Variants in PIWIL3 observed in about 807,000 individuals in gnomAD.
The protein encoded by PIWIL3 is piwi-like protein 3.
In PIWIL3, 101 loss-of-function variants were observed where a neutral mutation model predicts 109.7. The observed-to-expected ratio is 0.92, with a 90% CI of 0.78 to 1.09. The LOEUF (loss-of-function observed/expected upper bound fraction) is 1.09, where lower values mean the gene tolerates loss of function less well. Ranked by LOEUF, PIWIL3 falls within the 50% of genes least tolerant of loss-of-function variation. The pLI, the probability that PIWIL3 is intolerant of heterozygous loss-of-function variation, is 0.00. For missense variants in PIWIL3, 1,031 were observed against 1,072.6 expected (o/e 0.96, Z 0.54); for synonymous variants, 373 against 376.4 (o/e 0.99, Z 0.10).
Position 24,719,762 on chromosome 22 carries a change from A to G in PIWIL3, c.2491T>C (p.Tyr831His), listed in dbSNP as rs200698651. ...AAAGTACTTACTGGCAAATTATAAT[A>G]CATGTGGCATAGACAATATGTTAAA... is the stretch of plus-strand genomic sequence containing the variant. ...QRLTYCLCHM[Y>H]YNLPGIIRVP... The change falls in exon 20 of 21, where the codon TAT becomes CAT. Residue 831 changes from tyrosine (Y) to histidine (H), a missense_variant. Coordinates refer to ENST00000616349, the MANE Select transcript of PIWIL3 (RefSeq NM_001255975.1). The G allele has an allele frequency of 2.0e-4, 316 of 1,611,566 alleles. No individual in the cohort carries two copies. Among genetic ancestry groups the G allele is most frequent in the Non-Finnish European group, 2.5e-4 (294 of 1,178,574 alleles).
At position 24,719,353 on chromosome 22, in the gene PIWIL3, C is replaced by A. The variant is rs548500933; in HGVS notation, c.*119G>T. The A allele has an allele frequency of 1.4e-5, 11 of 775,568 alleles. No homozygotes were observed. Among genetic ancestry groups the A allele is most frequent in the African/African-American group, 3.5e-5 (2 of 57,322 alleles). The allele number at this position is 775,568 out of a possible 1,614,324, so 48.0% of individuals were successfully genotyped here. On this transcript the variant is annotated 3_prime_UTR_variant, in exon 21 of 21. Transcript: ENST00000616349. ...ACTCTGAATCTCTCCTGTGTCCAATCAAAAACGATGAGAATTTAATGCTAT... is the reference window on the plus strand; with the variant it reads ...ACTCTGAATCTCTCCTGTGTCCAATAAAAAACGATGAGAATTTAATGCTAT...
chr22:24,765,069 A>C (rs1444427260), intron 1 of PIWIL3, among the ~76,000 whole-genome samples: 1 of 152,190 alleles, frequency 6.6e-6, no homozygotes, highest in African/African-American at 2.4e-5. Flanking sequence ...AATATTTCAG[A>C]TATCAAAATT....
At chr22:24,732,966 C>T (rs1923441648) in intron 14 of PIWIL3, among the ~76,000 whole-genome samples, 1 of 152,126 alleles carries the variant, frequency 6.6e-6, no homozygotes, top group African/African-American at 2.4e-5. Context: ...TTGCTGGTTC[C>T]CAATGGGGGC....
chr22:24,719,478 G>A lies in PIWIL3; in HGVS notation c.2616C>T (p.Tyr872=). The A allele has an allele frequency of 6.3e-7, 1 of 1,580,636 alleles. No individual in the cohort carries two copies. Among genetic ancestry groups the A allele is most frequent in the Non-Finnish European group, 8.6e-7 (1 of 1,166,580 alleles). Residue 872 remains tyrosine, a synonymous_variant, in exon 21 of 21, where the codon TAC becomes TAT. Coordinates refer to ENST00000616349, the MANE Select transcript of PIWIL3 (RefSeq NM_001255975.1). ...TCAGGTCTTCTTCTGCAGGTCAAAG[G>A]TAAAAGAGACGAGTTGACAAGGAAC... ...PNRSLSTRLF[Y]L
intron 1 of PIWIL3, 130 bp from the exon 2 acceptor site, chr22:24,762,651 T>G (rs1052919226): frequency 7.8e-6 from 6 of 769,282 alleles, no homozygotes; most frequent in Non-Finnish European, 1.2e-5. Flanking sequence ...CTCATCATTC[T>G]GATGGCTGGA....
chr22:24,719,447 A>T lies in PIWIL3; in HGVS notation c.*25T>A, dbSNP rs1375087090. On this transcript the variant is annotated 3_prime_UTR_variant, in exon 21 of 21. Transcript: ENST00000616349. ...CAGGCTTACACGTTGTGGTTTCATT[A>T]GCACATCAGGTCTTCTTCTGCAGGT... 2.7e-6 allele frequency: 4 copies of T among 1,494,992 alleles called. No individual in the cohort carries two copies. The African/African-American group carries it at 5.6e-5, about 21-fold the overall frequency. The allele number at this position is 1,494,992 out of a possible 1,614,324, so 92.6% of individuals were successfully genotyped here. A position where few individuals can be genotyped will look rare whatever the true frequency, so the allele number is the denominator to read the frequency against.
At chr22:24,732,297 A>G (rs970119100) in intron 14 of PIWIL3, among the ~76,000 whole-genome samples, 1 of 152,132 alleles carries the variant, frequency 6.6e-6, no homozygotes, top group Non-Finnish European at 1.5e-5. Context: ...ACAGTTTTAT[A>G]AGTGATTTTT....
intron 12 of PIWIL3, among the ~76,000 whole-genome samples, chr22:24,738,355 T>TG (rs1923789323): frequency 1.3e-5 from 2 of 152,380 alleles, no homozygotes; most frequent in African/African-American, 4.8e-5. Context: ...GACATAAGTC[T>TG]GGCTGCTTTA....
chr22:24,751,467 T>G lies in PIWIL3; in HGVS notation c.1009A>C (p.Ile337Leu), dbSNP rs759198197. The change falls in exon 9 of 21, where the codon ATT (isoleucine) becomes CTT (leucine). Residue 337 changes from isoleucine to leucine, a missense_variant. Transcript: ENST00000616349. ...TCTTCAGGATTCTGCTTCCAATCAA[T>G]ATCATCTACTCTGTAGGTTTTGTTG... ...YNNKTYRVDDIDWKQNPEDTF... is the reference protein window; with the variant it reads ...YNNKTYRVDDLDWKQNPEDTF... 2.5e-6 allele frequency: 4 copies of G among 1,613,628 alleles called. No homozygotes were observed. The East Asian group carries it at 6.7e-5, about 27-fold the overall frequency.
chr22:24,752,839 G>C (rs1238762906), intron 8 of PIWIL3, among the ~76,000 whole-genome samples: 2 of 152,146 alleles, frequency 1.3e-5, no homozygotes, highest in East Asian at 3.9e-4. Flanking sequence ...GCCAACACTT[G>C]TCAATATCTA....
intron 1 of PIWIL3, among the ~76,000 whole-genome samples, chr22:24,770,640 T>C (rs1163767541): frequency 4.4e-5 from 6 of 136,220 alleles, no homozygotes; most frequent in Admixed American, 1.6e-4. Context: ...CTGGCCGACA[T>C]GGTGAAACCC....
chr22:24,727,669 G>A (rs1455878188), intron 16 of PIWIL3, among the ~76,000 whole-genome samples: 1 of 152,142 alleles, frequency 6.6e-6, no homozygotes, highest in Non-Finnish European at 1.5e-5. Context: ...GAACTACCAG[G>A]TGTCTGATCA....
intron 12 of PIWIL3, 30 bp downstream of exon 12, chr22:24,748,877 C>T (rs1378792101): frequency 6.4e-7 from 1 of 1,552,502 alleles, no homozygotes; most frequent in Admixed American, 1.8e-5. Context: ...TTGACCCCAC[C>T]ATGACATGAT....
At chr22:24,754,989 GT>G (rs910325545) in intron 6 of PIWIL3, 125 bp from the exon 7 acceptor site, 2 of 703,458 alleles carry the variant, frequency 2.8e-6, no homozygotes, top group African/African-American at 3.6e-5. Flanking sequence ...CAAAGTACTT[GT>G]TAACTAAGTT....
chr22:24,762,899 C>T (rs142628341), intron 1 of PIWIL3, among the ~76,000 whole-genome samples: 84 of 152,250 alleles, frequency 5.5e-4, no homozygotes, highest in African/African-American at 2.0e-3. Flanking sequence ...CCAAACACCT[C>T]CCAGTAGGCC....
At chr22:24,772,781 A>T (rs1308348789) in intron 1 of PIWIL3, among the ~76,000 whole-genome samples, 3 of 152,224 alleles carry the variant, frequency 2.0e-5, no homozygotes, top group Admixed American at 2.0e-4. Flanking sequence ...TGTCACAATG[A>T]CATCGGGAAG....
intron 17 of PIWIL3, 131 bp downstream of exon 17, chr22:24,725,314 A>G: frequency 8.9e-7 from 1 of 1,120,886 alleles, no homozygotes; most frequent in Admixed American, 2.2e-5. Flanking sequence ...TGCCAGTAGC[A>G]CCTCCACCCC....
chr22:24,753,955 T>C, intron 8 of PIWIL3, 59 bp downstream of exon 8: 1 of 1,428,050 alleles, frequency 7.0e-7, no homozygotes, highest in Non-Finnish European at 9.8e-7. Context: ...GGACCATCTC[T>C]TGGGGTGGGG....
At chr22:24,721,138 A>G (rs1396718272) in intron 19 of PIWIL3, among the ~76,000 whole-genome samples, 2 of 152,158 alleles carry the variant, frequency 1.3e-5, no homozygotes, top group African/African-American at 4.8e-5. Context: ...TATATACTGT[A>G]TAGGCACTAA....
Sources: gnomAD v4.1 joint callset for allele counts (sites outside exome capture counted in the v4.1 genomes callset) on GRCh38, gnomAD v4.1.1 for gene constraint, MANE v1.5 for transcripts, NCBI Gene and HGNC (gene_info 2026-07-23, HGNC 2026-07-21) for gene names.